The following SAMD12 variants were observed in gnomAD, a reference collection of about 807,000 sequenced individuals.
SAMD12 encodes the protein sterile alpha motif domain containing 12.
A neutral mutation model predicts 15.0 loss-of-function variants in SAMD12; 9 were observed. The ratio of observed to expected loss-of-function variants is 0.60; its 90% CI spans 0.36 to 1.05. The LOEUF is 1.05. Ranked by LOEUF, SAMD12 falls within the 50% of genes least tolerant of loss-of-function variation. The probability of loss-of-function intolerance (pLI) is 0.01; values close to 1 mark genes in which losing one functional copy is unlikely to be tolerated. For missense variants in SAMD12, 230 were observed against 234.2 expected, an observed-to-expected ratio of 0.98 and a Z score of 0.12; for synonymous variants, 86 against 90.1, an observed-to-expected ratio of 0.96 and a Z score of 0.25.
chr8:118,204,644 T>C (rs1210832880), intron 4 of SAMD12, among the ~76,000 whole-genome samples: 1 of 151,978 alleles, frequency 6.6e-6, no homozygotes, highest in African/African-American at 2.4e-5. Context: ...GTCCCAGCTA[T>C]GCAGGAGGCT....
At chr8:118,328,108 T>C (rs1301128482) in intron 4 of SAMD12, among the ~76,000 whole-genome samples, 1 of 152,250 alleles carries the variant, frequency 6.6e-6, no homozygotes, top group Admixed American at 6.5e-5. Flanking sequence ...CCTTTTTCAG[T>C]AGACAACCAA....
chr8:118,179,439 G>GAAAAA, the SAMD12 span, among the ~76,000 whole-genome samples: 414 of 92,248 alleles, frequency 4.5e-3, 2 homozygotes, highest in African/African-American at 0.016. Context: ...CTCCGTCTCC[G>GAAAAA]AAAAAAAAAA....
At chr8:118,255,283 C>A (rs1242191589) in intron 4 of SAMD12, among the ~76,000 whole-genome samples, 3 of 152,066 alleles carry the variant, frequency 2.0e-5, no homozygotes, top group African/African-American at 7.2e-5. Context: ...ACAAGAACAA[C>A]AACAACAACA....
the SAMD12 span, among the ~76,000 whole-genome samples, chr8:118,133,143 C>A: frequency 6.7e-6 from 1 of 150,358 alleles, no homozygotes; most frequent in Admixed American, 6.7e-5. Context: ...ATTATATTTT[C>A]TCTGTTTTAT....
chr8:118,499,568 A>G (rs539822490), intron 2 of SAMD12, among the ~76,000 whole-genome samples: 2 of 152,304 alleles, frequency 1.3e-5, no homozygotes, highest in South Asian at 4.1e-4. Context: ...AGCAGATATT[A>G]TTCAATACTG....
intron 4 of SAMD12, among the ~76,000 whole-genome samples, chr8:118,349,777 T>A (rs1026380236): frequency 2.6e-5 from 4 of 152,098 alleles, no homozygotes; most frequent in East Asian, 1.9e-4. Context: ...CCTCCCTGAG[T>A]CCTCAGAGAC....
intron 4 of SAMD12, among the ~76,000 whole-genome samples, chr8:118,200,905 G>T (rs144113631): frequency 6.6e-6 from 1 of 152,178 alleles, no homozygotes; most frequent in Non-Finnish European, 1.5e-5. Flanking sequence ...TTGTAGCCTC[G>T]ACCTCCCAGG....
At chr8:118,531,484 T>C (rs1007494451) in intron 2 of SAMD12, among the ~76,000 whole-genome samples, 1 of 152,214 alleles carries the variant, frequency 6.6e-6, no homozygotes, top group Non-Finnish European at 1.5e-5. Flanking sequence ...GATAGCTTGA[T>C]GGGGATGGCA....
chr8:118,166,686 A>G, the SAMD12 span, among the ~76,000 whole-genome samples: 2 of 152,202 alleles, frequency 1.3e-5, no homozygotes, highest in African/African-American at 4.8e-5. Flanking sequence ...TTTTAATTTA[A>G]TGCATATAAA....
chr8:118,322,990 G>T lies in SAMD12; in HGVS notation c.433+56570C>A, dbSNP rs558971831. ...TTCCCTTGAAGCAGGTGGGATTCAG[G>T]TCTTGCCAACAGAATGTAAACACAA... On this transcript the variant is annotated intron_variant, in intron 4 of 4. Transcript: ENST00000409003. Among the ~76,000 whole-genome samples, 8 of 152,296 alleles carry T rather than the reference G, an allele frequency of 5.3e-5. No individual in the cohort carries two copies. In the South Asian group the frequency reaches 1.7e-3, roughly 32 times the overall value.
At chr8:118,503,235 T>G (rs142075724) in intron 2 of SAMD12, among the ~76,000 whole-genome samples, 39 of 152,220 alleles carry the variant, frequency 2.6e-4, no homozygotes, top group African/African-American at 9.4e-4. Context: ...TTCTTGCAAG[T>G]GAAAGGAAAT....
intron 1 of SAMD12, among the ~76,000 whole-genome samples, chr8:118,606,995 C>G (rs1015085494): frequency 4.6e-5 from 7 of 152,284 alleles, no homozygotes; most frequent in African/African-American, 1.7e-4. Context: ...CACCCAACCC[C>G]TACTCCATAG....
downstream of SAMD12, among the ~76,000 whole-genome samples, chr8:118,374,895 T>C (rs1819302495): frequency 7.0e-6 from 1 of 143,334 alleles, no homozygotes; most frequent in South Asian, 2.1e-4. Context: ...TTTTCAGATA[T>C]GTGATTTATA....
chr8:118,347,962 G>C (rs1817751687), intron 4 of SAMD12, among the ~76,000 whole-genome samples: 2 of 152,222 alleles, frequency 1.3e-5, no homozygotes, highest in Admixed American at 1.3e-4. Context: ...AGCTGTGCCA[G>C]TGATCAGCTG....
intron 1 of SAMD12, 65 bp from the exon 2 acceptor site, chr8:118,580,958 A>G (rs994860636): frequency 3.9e-6 from 5 of 1,284,326 alleles, no homozygotes; most frequent in Non-Finnish European, 5.4e-6. Context: ...CATGACAGAA[A>G]ATATTCATCA....
At chr8:118,178,311 A>G in the SAMD12 span, among the ~76,000 whole-genome samples, 7 of 152,202 alleles carry the variant, frequency 4.6e-5, no homozygotes, top group Admixed American at 3.9e-4. Context: ...TAAAGACCAT[A>G]GACACACTTA....
chr8:118,232,289 G>T (rs17452219), intron 4 of SAMD12, among the ~76,000 whole-genome samples: 1 of 152,042 alleles, frequency 6.6e-6, no homozygotes, highest in Admixed American at 6.6e-5. Context: ...AATCATCCTG[G>T]GGGATCAGAG....
the SAMD12 span, among the ~76,000 whole-genome samples, chr8:118,145,131 A>C: frequency 9.2e-4 from 140 of 152,370 alleles, 1 homozygote; most frequent in African/African-American, 3.3e-3. Flanking sequence ...AGTAATATTT[A>C]AAATTTGCTA....
At chr8:118,247,601 T>A (rs553797946) in intron 4 of SAMD12, among the ~76,000 whole-genome samples, 40 of 152,026 alleles carry the variant, frequency 2.6e-4, no homozygotes, top group Middle Eastern at 3.4e-3. Flanking sequence ...TTATTTATTT[T>A]TATTTTTTTG....
Sources: gnomAD v4.1 joint callset for allele counts (sites outside exome capture counted in the v4.1 genomes callset) on GRCh38, gnomAD v4.1.1 for gene constraint, MANE v1.5 for transcripts, NCBI Gene and HGNC (gene_info 2026-07-23, HGNC 2026-07-21) for gene names.